Variants in EXD1 observed in about 807,000 individuals in gnomAD.
The protein encoded by EXD1 is exonuclease 3'-5' domain containing 1.
Under a neutral mutation model 49.1 loss-of-function variants are expected in EXD1, and 63 were observed. That is an observed-to-expected ratio of 1.28 (90% confidence interval 1.05 to 1.58). The LOEUF (loss-of-function observed/expected upper bound fraction) is 1.58. Among genes scored for constraint, EXD1 ranks in the 40% most tolerant of loss-of-function variants. EXD1 has a pLI of 0.00. For missense variants in EXD1, 748 were observed against 666.0 expected (o/e 1.12, Z -1.36); for synonymous variants, 234 against 239.2 (o/e 0.98, Z 0.20).
At chr15:41,219,742 T>C in intron 3 of EXD1, 88 bp downstream of exon 3, 1 of 1,094,162 alleles carries the variant, frequency 9.1e-7, no homozygotes, top group African/African-American at 1.6e-5. Flanking sequence ...ACTTTAAGAA[T>C]CCATAAGCAC....
At chr15:41,207,753 C>T (rs1247666399) in intron 7 of EXD1, among the ~76,000 whole-genome samples, 1 of 151,474 alleles carries the variant, frequency 6.6e-6, no homozygotes, top group Non-Finnish European at 1.5e-5. Context: ...AGCTGTAGTC[C>T]AGATCCCAGC....
At chr15:41,219,484 T>C (rs1203242443) in intron 3 of EXD1, 3 of 200,754 alleles carry the variant, frequency 1.5e-5, no homozygotes, top group Non-Finnish European at 3.0e-5. Flanking sequence ...AGAAAAATTC[T>C]TGATTCTGAG....
chr15:41,213,501 T>TTTTTGTTTTG lies in EXD1; in HGVS notation c.447+2264_447+2273dup, dbSNP rs371124639. ...GGCATGAGCCACCGTGTCCAGCCAG[T>TTTTTGTTTTG]TTTTGTTTTGTTTTGTTTTGTTTTG... On this transcript the variant is annotated intron_variant, in intron 6 of 11. Coordinates refer to ENST00000458580, the MANE Select transcript of EXD1 (RefSeq NM_001286441.2). Among the ~76,000 whole-genome samples, 693 of 150,452 alleles carry TTTTTGTTTTG rather than the reference T, an allele frequency of 4.6e-3. 8 individuals carry two copies. Among genetic ancestry groups the TTTTTGTTTTG allele is most frequent in the African/African-American group, 0.016 (661 of 40,476 alleles).
At chr15:41,201,222 G>C (rs1017895515) in intron 7 of EXD1, among the ~76,000 whole-genome samples, 3 of 151,964 alleles carry the variant, frequency 2.0e-5, no homozygotes, top group Non-Finnish European at 4.4e-5. Flanking sequence ...AGCACTTTTA[G>C]TTTTTTTCCC....
chr15:41,215,904 G>A (rs1021965757), intron 5 of EXD1, 71 bp from the exon 6 acceptor site: 1 of 1,517,766 alleles, frequency 6.6e-7, no homozygotes, highest in Non-Finnish European at 9.1e-7. Flanking sequence ...AATAATTTTG[G>A]CCACACTCAT....
At chr15:41,225,988 C>T (rs924208230) in intron 2 of EXD1, among the ~76,000 whole-genome samples, 2 of 152,146 alleles carry the variant, frequency 1.3e-5, no homozygotes, top group African/African-American at 4.8e-5. Flanking sequence ...CATGGTGGCT[C>T]ACACCTGTAA....
rs1481941304 is a variant in EXD1 at position 41,183,363 on chromosome 15, A to C, written c.*568T>G. 6.6e-6 allele frequency: 1 copy of C among 152,184 alleles called. No homozygotes were observed. The highest frequency in any genetic ancestry group is 1.5e-5 in the Non-Finnish European group (1 of 68,034). The allele number at this position is 152,184 out of a possible 1,614,324, so 9.4% of individuals were successfully genotyped here. A position where few individuals can be genotyped will look rare whatever the true frequency, so the allele number is the denominator to read the frequency against. ...GCCTAAGAGACAGACAAAACATTCA[A>C]CATTCAAACATAAAGTTAATATTAT... On this transcript the variant is annotated 3_prime_UTR_variant, in exon 12 of 12. Transcript: ENST00000458580.
chr15:41,186,987 C>T (rs988920571), intron 11 of EXD1, among the ~76,000 whole-genome samples: 9 of 151,288 alleles, frequency 5.9e-5, no homozygotes, highest in East Asian at 1.9e-4. Context: ...CAGGTTCAAG[C>T]GATTCTCCTG....
intron 9 of EXD1, among the ~76,000 whole-genome samples, chr15:41,192,592 GCATTTTT>G (rs2046539397): frequency 3.5e-5 from 3 of 86,148 alleles, no homozygotes; most frequent in African/African-American, 1.2e-4. Flanking sequence ...ACTGCGCCAG[GCATTTTT>G]TTTTTTTTTT....
rs565225041 is a variant in EXD1, at chr15:41,183,761, A to G, written c.*170T>C. 1.0e-3 allele frequency: 575 copies of G among 559,094 alleles called. 1 individual carries two copies. The highest frequency in any genetic ancestry group is 1.5e-3 in the Non-Finnish European group (484 of 328,488). The allele number at this position is 559,094 out of a possible 1,614,324, so 34.6% of individuals were successfully genotyped here. On this transcript the variant is annotated 3_prime_UTR_variant, in exon 12 of 12. Transcript: ENST00000458580. ...ACTTCTTCCATTATTTAACTTATTC[A>G]TTCTCATTCTCCGCATACCAGGAAC... is the stretch of plus-strand genomic sequence containing the variant.
Position 41,184,163 on chromosome 15 carries a change from T to G in EXD1, c.1487A>C (p.Gln496Pro), listed in dbSNP as rs749179809. 1 of 1,614,220 alleles carries G rather than the reference T, an allele frequency of 6.2e-7. No homozygotes were observed. The highest frequency in any genetic ancestry group is 2.2e-5 in the East Asian group (1 of 44,884). ...CTCCTCTTTCAAAGATAAACTTGCC[T>G]GAAACTCATGTTTGGGTGTCATAAA... ...EHFMTPKHEFQASLSLKEETE... is the reference protein window; with the variant it reads ...EHFMTPKHEFPASLSLKEETE... Residue 496 changes from glutamine (Q) to proline (P), a missense_variant, in exon 12 of 12, where the codon CAG becomes CCG. Physicochemically the swap from Gln to Pro is moderately conservative, Grantham distance 76. Transcript: ENST00000458580.
chr15:41,202,164 ATAT>A (rs938948298), intron 7 of EXD1, among the ~76,000 whole-genome samples: 6 of 132,378 alleles, frequency 4.5e-5, no homozygotes, highest in East Asian at 2.4e-4. Flanking sequence ...ATATATATAT[ATAT>A]TTTTTTTAAT....
chr15:41,205,887 T>C (rs1217631695), intron 7 of EXD1, among the ~76,000 whole-genome samples: 2 of 149,880 alleles, frequency 1.3e-5, no homozygotes, highest in Non-Finnish European at 3.0e-5. Flanking sequence ...GTCTTTTTTT[T>C]TTTTTTTTTT....
In EXD1 at chr15:41,202,217, C is replaced by T. The variant is rs1595439614; in HGVS notation, c.535-6180G>A. On this transcript the variant is annotated intron_variant, in intron 7 of 11. Coordinates refer to ENST00000458580, the MANE Select transcript of EXD1 (RefSeq NM_001286441.2). ...TGAGACAGAGTCTCACTCTGTCGCC[C>T]AGGCTGGATTGCAGTGGCGTGATCT... 3.3e-5 allele frequency among the ~76,000 whole-genome samples: 5 copies of T among 151,768 alleles called. No homozygotes were observed. The Middle Eastern group carries it at 0.014, about 413-fold the overall frequency.
intron 7 of EXD1, among the ~76,000 whole-genome samples, chr15:41,203,935 A>AAAAAAAAC (rs2046776079): frequency 7.2e-6 from 1 of 139,524 alleles, no homozygotes; most frequent in African/African-American, 2.6e-5. Flanking sequence ...AAAAAAAAAA[A>AAAAAAAAC]AAAAAAAAAC....
intron 2 of EXD1, among the ~76,000 whole-genome samples, chr15:41,225,972 G>A (rs1376359534): frequency 6.6e-6 from 1 of 152,048 alleles, no homozygotes; most frequent in Non-Finnish European, 1.5e-5. Flanking sequence ...GACACACCAG[G>A]CTCGGCATGG....
Position 41,184,382 on chromosome 15 carries a change from G to A in EXD1, c.1268C>T (p.Ala423Val). ...LFGKNFRIDK[A>V]PSFTSQDFHG... Reference sequence around the variant, plus strand: ...AAAGTCTTGAGATGTAAAACTTGGAGCTTTATCTATCCTAAAATTTTTACC... The same window carrying A: ...AAAGTCTTGAGATGTAAAACTTGGAACTTTATCTATCCTAAAATTTTTACC... The change falls in exon 12 of 12, where the codon GCT becomes GTT. Residue 423 changes from alanine to valine, a missense_variant. By Grantham distance (64) the Ala-to-Val change is moderately conservative. Transcript: ENST00000458580. 1 of 1,614,036 alleles carries A rather than the reference G, an allele frequency of 6.2e-7. No individual in the cohort carries two copies. Among genetic ancestry groups the A allele is most frequent in the Admixed American group, 1.7e-5 (1 of 59,964 alleles).
intron 6 of EXD1, among the ~76,000 whole-genome samples, chr15:41,213,839 C>T (rs78470679): frequency 0.16 from 24,524 of 152,124 alleles, 3,641 homozygotes; most frequent in African/African-American, 0.39. Flanking sequence ...TCTGTGACTA[C>T]ACTAAAAGAA....
rs1317063907 is a variant in EXD1 at position 41,223,197 on chromosome 15, C to T, written c.133+3246G>A. ...GCACTTTGGAGGCTGAGTGGGAGAA[C>T]TGCTTGAGCCCAGGAGTTCAAGACC... On this transcript the variant is annotated intron_variant, in intron 2 of 11. Coordinates refer to ENST00000458580, the MANE Select transcript of EXD1 (RefSeq NM_001286441.2). Among the ~76,000 whole-genome samples, 5 of 151,814 alleles carry T rather than the reference C, an allele frequency of 3.3e-5. No homozygotes were observed. In the East Asian group the frequency reaches 9.7e-4, roughly 29 times the overall value.
Sources: allele counts gnomAD v4.1 joint callset (sites outside exome capture counted in the v4.1 genomes callset), GRCh38; gene constraint gnomAD v4.1.1; transcripts MANE v1.5; gene names NCBI Gene and HGNC (gene_info 2026-07-23, HGNC 2026-07-21).